Variants in JPH3 observed in about 807,000 individuals in gnomAD.
JPH3 encodes the protein junctophilin 3.
A neutral mutation model predicts 59.6 loss-of-function variants in JPH3; 11 were observed. The ratio of observed to expected loss-of-function variants is 0.18; its 90% CI spans 0.12 to 0.31. The LOEUF is 0.31. Ranked by LOEUF, JPH3 falls within the 10% of genes least tolerant of loss-of-function variation. The pLI, the probability that JPH3 is intolerant of heterozygous loss-of-function variation, is 1.00. For synonymous variants in JPH3, 673 were observed against 483.6 expected, an observed-to-expected ratio of 1.39 and a Z score of -5.14; for missense variants, 1,202 against 1,105.7, an observed-to-expected ratio of 1.09 and a Z score of -1.24.
At chr16:87,627,199 G>C (rs963938881) in intron 1 of JPH3, among the ~76,000 whole-genome samples, 1 of 152,114 alleles carries the variant, frequency 6.6e-6, no homozygotes, top group African/African-American at 2.4e-5. Flanking sequence ...AGCTTGAGGA[G>C]CATTAGGGCC....
At position 87,696,833 on chromosome 16, in the gene JPH3, G is replaced by A. The variant is rs2033882606; in HGVS notation, c.*173G>A. ...ACTCACAGTTTGCCTTTTTTTCTGG[G>A]TAATGTTTTTTGGATTTTAGCCAAA... is the stretch of plus-strand genomic sequence containing the variant. On this transcript the variant is annotated 3_prime_UTR_variant, in exon 5 of 5. Transcript: ENST00000284262. 3.2e-6 allele frequency: 2 copies of A among 622,736 alleles called. No individual in the cohort carries two copies. Among genetic ancestry groups the A allele is most frequent in the African/African-American group, 1.8e-5 (1 of 54,444 alleles). 38.6% of individuals were successfully genotyped at this position (622,736 alleles called of 1,614,324 possible).
chr16:87,661,745 C>T (rs754355023), intron 2 of JPH3, among the ~76,000 whole-genome samples: 11 of 152,340 alleles, frequency 7.2e-5, no homozygotes, highest in East Asian at 1.9e-4. Flanking sequence ...CAGGCCGCCA[C>T]GGGGCGGGGA....
intron 2 of JPH3, among the ~76,000 whole-genome samples, chr16:87,673,094 C>T (rs868791137): frequency 4.0e-5 from 6 of 151,302 alleles, no homozygotes; most frequent in South Asian, 2.1e-4. Flanking sequence ...TGCAGTGGGC[C>T]GAGATCGCAC....
At chr16:87,615,791 C>T (rs986820569) in intron 1 of JPH3, among the ~76,000 whole-genome samples, 1 of 152,344 alleles carries the variant, frequency 6.6e-6, no homozygotes, top group African/African-American at 2.4e-5. Flanking sequence ...GCCTTCCCTC[C>T]TCTGCAATGA....
intron 1 of JPH3, chr16:87,604,877 C>A: frequency 4.9e-6 from 2 of 405,288 alleles, no homozygotes; most frequent in Admixed American, 2.9e-5. Context: ...CTTTTCTGTG[C>A]CGTTGTTGTT....
rs2030333150 is a variant in JPH3 at position 87,603,265 on chromosome 16, C to G, written c.119C>G (p.Thr40Ser). The part of the protein sequence containing the change: ...CTGPKGQGEY[T>S]GSWSHGFEVL... ...GGCCCCAAGGGCCAAGGCGAATACA[C>G]CGGCTCGTGGAGCCACGGCTTCGAG... Residue 40 changes from threonine to serine, a missense_variant, in exon 1 of 5, where the codon ACC becomes AGC. Thr to Ser is a moderately conservative substitution (Grantham distance 58, BLOSUM62 1). Coordinates refer to ENST00000284262, the MANE Select transcript of JPH3 (RefSeq NM_020655.4). 1 of 1,613,596 alleles carries G rather than the reference C, an allele frequency of 6.2e-7. No individual in the cohort carries two copies. The highest frequency in any genetic ancestry group is 1.3e-5 in the African/African-American group (1 of 74,936).
chr16:87,603,210 G>C lies in JPH3; in HGVS notation c.64G>C (p.Gly22Arg), dbSNP rs1396623070. The change falls in exon 1 of 5, where the codon GGC (glycine) becomes CGC (arginine). Residue 22 changes from glycine (G) to arginine (R), a missense_variant. By Grantham distance (125) the Gly-to-Arg change is moderately radical. Transcript: ENST00000284262. ...GGSYCGGWEDGKAHGHGVCTG... is the reference protein window; with the variant it reads ...GGSYCGGWEDRKAHGHGVCTG... ...GTCCTACTGTGGAGGCTGGGAGGAC[G>C]GCAAGGCGCACGGCCATGGCGTCTG... The C allele has an allele frequency of 1.2e-6, 2 of 1,613,936 alleles. No individual in the cohort carries two copies. Among genetic ancestry groups the C allele is most frequent in the Non-Finnish European group, 1.7e-6 (2 of 1,179,936 alleles).
intron 2 of JPH3, among the ~76,000 whole-genome samples, chr16:87,649,629 A>G (rs2032266165): frequency 6.6e-6 from 1 of 152,128 alleles, no homozygotes; most frequent in East Asian, 1.9e-4. Context: ...CAACTCTCAC[A>G]GCCCCCTCAT....
At chr16:87,628,230 G>A (rs1285449207) in intron 1 of JPH3, among the ~76,000 whole-genome samples, 10 of 152,260 alleles carry the variant, frequency 6.6e-5, no homozygotes, top group Admixed American at 6.5e-4. Context: ...TCACCTGGGA[G>A]ACGATGGTGC....
In JPH3 at chr16:87,644,863, G is replaced by T; in HGVS notation, c.988G>T (p.Asp330Tyr). ...RHGYGCMTFP[D>Y]GTKEEGKYKQ... ...TGGCTACGGCTGCATGACCTTCCCGGACGGCACCAAGGAGGAGGGCAAGTA... is the reference window on the plus strand; with the variant it reads ...TGGCTACGGCTGCATGACCTTCCCGTACGGCACCAAGGAGGAGGGCAAGTA... Residue 330 changes from aspartate (D) to tyrosine (Y), a missense_variant, in exon 2 of 5, where the codon GAC becomes TAC. Asp to Tyr is a radical substitution (Grantham distance 160). Coordinates refer to ENST00000284262, the MANE Select transcript of JPH3 (RefSeq NM_020655.4). 2 of 1,613,486 alleles carry T rather than the reference G, an allele frequency of 1.2e-6. No individual in the cohort carries two copies. The highest frequency in any genetic ancestry group is 8.5e-7 in the Non-Finnish European group (1 of 1,179,904).
At chr16:87,613,552 C>T (rs758151489) in intron 1 of JPH3, among the ~76,000 whole-genome samples, 5 of 152,058 alleles carry the variant, frequency 3.3e-5, no homozygotes, top group Non-Finnish European at 7.4e-5. Flanking sequence ...AACTCTTGAC[C>T]TCAAGTGATC....
chr16:87,676,977 G>C (rs1424514899), intron 2 of JPH3, among the ~76,000 whole-genome samples: 1 of 151,782 alleles, frequency 6.6e-6, no homozygotes. Flanking sequence ...CGAAACCATG[G>C]TGAAACCCCG....
In JPH3 at chr16:87,616,708, G is replaced by A. The variant is rs545837968; in HGVS notation, c.382+13180G>A. Among the ~76,000 whole-genome samples, 7 of 152,154 alleles carry A rather than the reference G, an allele frequency of 4.6e-5. No individual in the cohort carries two copies. The East Asian group carries it at 5.8e-4, about 13-fold the overall frequency. On this transcript the variant is annotated intron_variant, in intron 1 of 4. Coordinates refer to ENST00000284262, the MANE Select transcript of JPH3 (RefSeq NM_020655.4). ...TGACATGTCGGAACCGGATATTGAC[G>A]TGGACACAGTCAGGATGGGGAGCAC...
chr16:87,663,712 G>A (rs922955490), intron 2 of JPH3, among the ~76,000 whole-genome samples: 3 of 152,116 alleles, frequency 2.0e-5, no homozygotes, highest in Admixed American at 6.6e-5. Flanking sequence ...CCACTGCCCC[G>A]TCTCTGCCAC....
In JPH3 at chr16:87,603,388, G is replaced by T; in HGVS notation, c.242G>T (p.Trp81Leu). ...ATCGGCCTGGAGAGCAAGGGGAAGTGGGTGTACAAGGGCGAGTGGACGCAC... is the reference window on the plus strand; with the variant it reads ...ATCGGCCTGGAGAGCAAGGGGAAGTTGGTGTACAAGGGCGAGTGGACGCAC... The part of the protein sequence containing the change: ...HGIGLESKGK[W>L]VYKGEWTHGF... The change falls in exon 1 of 5, where the codon TGG becomes TTG. Residue 81 changes from tryptophan (W) to leucine (L), a missense_variant. Transcript: ENST00000284262. The T allele has an allele frequency of 6.2e-7, 1 of 1,602,928 alleles. No individual in the cohort carries two copies. The highest frequency in any genetic ancestry group is 1.7e-5 in the Admixed American group (1 of 57,790).
chr16:87,636,244 G>T (rs577625177), intron 1 of JPH3, among the ~76,000 whole-genome samples: 1 of 152,288 alleles, frequency 6.6e-6, no homozygotes, highest in East Asian at 1.9e-4. Context: ...GGGGTGGGGT[G>T]GGGGCGGGGG....
rs1216497118 is a variant in JPH3, at chr16:87,639,635, G to GCCTCCCGCCTGT, written c.383-4604_383-4593dup. Among the ~76,000 whole-genome samples the GCCTCCCGCCTGT allele has an allele frequency of 3.1e-3, 392 of 127,862 alleles. 1 individual carries two copies. Among genetic ancestry groups the GCCTCCCGCCTGT allele is most frequent in the African/African-American group, 0.01 (366 of 35,022 alleles). 83.9% of individuals were successfully genotyped at this position (127,862 alleles called of 152,430 possible). A position where few individuals can be genotyped will look rare whatever the true frequency, so the allele number is the denominator to read the frequency against. ...GTCCTCCCTCCTGGCCTCCCTCCTG[G>GCCTCCCGCCTGT]CCTCCCGCCTGTCCTCCCGCCTGTC... On this transcript the variant is annotated intron_variant, in intron 1 of 4. Coordinates refer to ENST00000284262, the MANE Select transcript of JPH3 (RefSeq NM_020655.4).
chr16:87,689,389 T>C (rs950682200), intron 3 of JPH3, among the ~76,000 whole-genome samples: 9 of 152,156 alleles, frequency 5.9e-5, no homozygotes, highest in Admixed American at 5.9e-4. Context: ...GCCTGGGAGC[T>C]GCTGTCCGCC....
chr16:87,669,269 C>A (rs1440260526), intron 2 of JPH3, among the ~76,000 whole-genome samples: 3 of 152,146 alleles, frequency 2.0e-5, no homozygotes, highest in African/African-American at 7.2e-5. Flanking sequence ...AGGATGCTTG[C>A]CTGCTGGGTA....
Sources: gnomAD v4.1 joint callset for allele counts (sites outside exome capture counted in the v4.1 genomes callset) on GRCh38, gnomAD v4.1.1 for gene constraint, MANE v1.5 for transcripts, NCBI Gene and HGNC (gene_info 2026-07-23, HGNC 2026-07-21) for gene names.